PPP1R3A: variants seen among roughly 807,000 people sequenced by gnomAD.
PPP1R3A encodes protein phosphatase 1 regulatory subunit 3A, also known as RG1.
PPP1R3A carries 29 observed loss-of-function variants against 41.7 expected under a neutral mutation model. The observed-to-expected ratio is 0.70, with a 90% confidence interval of 0.52 to 0.95. PPP1R3A has a LOEUF of 0.95. PPP1R3A is among the 40% of genes least tolerant of loss of function. The pLI is 0.00. For synonymous variants in PPP1R3A, 485 were observed against 453.4 expected, an observed-to-expected ratio of 1.07 and a Z score of -0.89; for missense variants, 1,352 against 1,292.4, an observed-to-expected ratio of 1.05 and a Z score of -0.71.
Position 113,879,148 on chromosome 7 carries a change from A to G in PPP1R3A, c.1944T>C (p.Asn648=), listed in dbSNP as rs1368768591. Residue 648 remains asparagine, a synonymous_variant, in exon 4 of 4, where the codon AAT becomes AAC. Coordinates refer to ENST00000284601, the MANE Select transcript of PPP1R3A (RefSeq NM_002711.4). Reference sequence around the variant, plus strand: ...TCCAACTTTGTTTATGCTGTGGGCTATTATCCTGATCTTCAGAATTAATCC... The same window carrying G: ...TCCAACTTTGTTTATGCTGTGGGCTGTTATCCTGATCTTCAGAATTAATCC... The part of the protein sequence containing the change: ...SGGINSEDQD[N]SPQHKQSWNV... 2.5e-6 allele frequency: 4 copies of G among 1,613,660 alleles called. No homozygotes were observed. The Middle Eastern group carries it at 4.9e-4, about 200-fold the overall frequency.
At chr7:113,900,478 T>C (rs907857945) in intron 1 of PPP1R3A, among the ~76,000 whole-genome samples, 15 of 151,458 alleles carry the variant, frequency 9.9e-5, no homozygotes, top group African/African-American at 3.4e-4. Context: ...ATATGGTATA[T>C]AAGTGAAGGC....
rs199968105 is a variant in PPP1R3A at position 113,879,039 on chromosome 7, C to G, written c.2053G>C (p.Val685Leu). ...CTCGTATTATCTCTTTTTCCCCACA[C>G]GTCTTCACAATCTGTTTGTCCTTTG... ...HIKGQTDCEDVWGKRDNTRSL... is the reference protein window; with the variant it reads ...HIKGQTDCEDLWGKRDNTRSL... Residue 685 changes from valine to leucine, a missense_variant, in exon 4 of 4, where the codon GTG becomes CTG. Transcript: ENST00000284601. 2 of 1,613,576 alleles carry G rather than the reference C, an allele frequency of 1.2e-6. No homozygotes were observed. Among genetic ancestry groups the G allele is most frequent in the Non-Finnish European group, 8.5e-7 (1 of 1,179,790 alleles).
At chr7:113,913,833 T>C (rs1455115294) in intron 1 of PPP1R3A, among the ~76,000 whole-genome samples, 1 of 152,158 alleles carries the variant, frequency 6.6e-6, no homozygotes, top group Non-Finnish European at 1.5e-5. Context: ...TTCTACTGTA[T>C]ACCCAGAGAA....
intron 1 of PPP1R3A, among the ~76,000 whole-genome samples, chr7:113,909,114 T>G (rs1797197490): frequency 1.3e-5 from 2 of 151,878 alleles, no homozygotes; most frequent in South Asian, 4.1e-4. Flanking sequence ...AACCTGCACA[T>G]GGACCCCTTG....
chr7:113,918,841 T>C lies in PPP1R3A; in HGVS notation c.156A>G (p.Ile52Met). The change falls in exon 1 of 4, where the codon ATA (isoleucine) becomes ATG (methionine). Residue 52 changes from isoleucine (I) to methionine (M), a missense_variant. Transcript: ENST00000284601. ...SRRGSDSSED[I>M]YLDTPSSGTR... Reference sequence around the variant, plus strand: ...TACCTGAAGATGGGGTATCCAGGTATATGTCTTCAGAAGAATCAGAACCTC... The same window carrying C: ...TACCTGAAGATGGGGTATCCAGGTACATGTCTTCAGAAGAATCAGAACCTC... 6.2e-7 allele frequency: 1 copy of C among 1,613,852 alleles called. No individual in the cohort carries two copies. The highest frequency in any genetic ancestry group is 8.5e-7 in the Non-Finnish European group (1 of 1,179,826).
At chr7:113,904,682 A>C (rs561736428) in intron 1 of PPP1R3A, among the ~76,000 whole-genome samples, 1 of 148,098 alleles carries the variant, frequency 6.8e-6, no homozygotes, top group South Asian at 2.1e-4. Context: ...TTGAGGAAAT[A>C]CAAAGAAAAA....
chr7:113,884,902 A>G (rs942048399), intron 1 of PPP1R3A, among the ~76,000 whole-genome samples: 1 of 152,054 alleles, frequency 6.6e-6, no homozygotes, highest in African/African-American at 2.4e-5. Context: ...AGAAGAGAAA[A>G]CACATAGCCA....
chr7:113,902,592 T>C (rs1384049456), intron 1 of PPP1R3A, among the ~76,000 whole-genome samples: 1 of 151,840 alleles, frequency 6.6e-6, no homozygotes, highest in Non-Finnish European at 1.5e-5. Context: ...CTGCAAACAT[T>C]CCTGTTCACT....
chr7:113,917,213 A>G (rs1797356389), intron 1 of PPP1R3A, among the ~76,000 whole-genome samples: 1 of 151,908 alleles, frequency 6.6e-6, no homozygotes, highest in Non-Finnish European at 1.5e-5. Context: ...ACATTACACT[A>G]TTTCTGGTAC....
rs1160771799 is a variant in PPP1R3A, at chr7:113,901,314, T to A, written c.782+16901A>T. On this transcript the variant is annotated intron_variant, in intron 1 of 3. Transcript: ENST00000284601. Reference sequence around the variant, plus strand: ...GAACATTTTCCAAACATAGACACCATCCCCCTTCTAAATTGGACTCTCCAA... The same window carrying A: ...GAACATTTTCCAAACATAGACACCAACCCCCTTCTAAATTGGACTCTCCAA... Among the ~76,000 whole-genome samples the A allele has an allele frequency of 3.3e-5, 5 of 151,504 alleles. No individual in the cohort carries two copies. The Admixed American group carries it at 3.3e-4, about 10-fold the overall frequency.
In PPP1R3A at chr7:113,906,094, G is replaced by T. The variant is rs146697819; in HGVS notation, c.782+12121C>A. ...AGGTGTTGAACAATTAGAGTATGCT[G>T]TAGCAGACTATATTATTTCTCAGTT... On this transcript the variant is annotated intron_variant, in intron 1 of 3. Transcript: ENST00000284601. Among the ~76,000 whole-genome samples, 66 of 151,876 alleles carry T rather than the reference G, an allele frequency of 4.3e-4. No homozygotes were observed. The East Asian group carries it at 8.4e-3, about 19-fold the overall frequency.
intron 1 of PPP1R3A, among the ~76,000 whole-genome samples, chr7:113,895,570 C>T (rs976879316): frequency 1.3e-5 from 2 of 151,876 alleles, no homozygotes; most frequent in African/African-American, 4.8e-5. Context: ...TCAGTTACTG[C>T]TTTATAGTTT....
chr7:113,903,810 C>T (rs763107440), intron 1 of PPP1R3A, among the ~76,000 whole-genome samples: 1 of 151,688 alleles, frequency 6.6e-6, no homozygotes, highest in Non-Finnish European at 1.5e-5. Flanking sequence ...TCAAGATTGA[C>T]TCCCACAATT....
intron 1 of PPP1R3A, among the ~76,000 whole-genome samples, chr7:113,897,013 C>T (rs1796987104): frequency 6.6e-6 from 1 of 151,798 alleles, no homozygotes; most frequent in African/African-American, 2.4e-5. Flanking sequence ...ATTCACATGC[C>T]ATGTTATGGA....
chr7:113,882,212 A>G (rs1293082166), intron 2 of PPP1R3A, 49 bp from the exon 3 acceptor site: 3 of 1,593,936 alleles, frequency 1.9e-6, no homozygotes, highest in East Asian at 2.2e-5. Context: ...TTAATTGTAG[A>G]CTTTCACAAA....
At chr7:113,899,588 G>T (rs964017941) in intron 1 of PPP1R3A, among the ~76,000 whole-genome samples, 1 of 151,720 alleles carries the variant, frequency 6.6e-6, no homozygotes, top group African/African-American at 2.4e-5. Flanking sequence ...CTAGTTACAA[G>T]ATTTTCATTA....
rs1184146131 is a variant in PPP1R3A at position 113,878,642 on chromosome 7, A to G, written c.2450T>C (p.Met817Thr). The change falls in exon 4 of 4, where the codon ATG becomes ACG. Residue 817 changes from methionine to threonine, a missense_variant. Coordinates refer to ENST00000284601, the MANE Select transcript of PPP1R3A (RefSeq NM_002711.4). ...CATAGACATGGTTTCTTCCTTCTCC[A>G]TTTCATCTACACGTACATTACAAAT... is the stretch of plus-strand genomic sequence containing the variant. ...LGICNVRVDE[M>T]EKEETMSMYN... 1 of 1,612,816 alleles carries G rather than the reference A, an allele frequency of 6.2e-7. No homozygotes were observed. Among genetic ancestry groups the G allele is most frequent in the Admixed American group, 1.7e-5 (1 of 59,818 alleles).
Position 113,878,231 on chromosome 7 carries a change from C to T in PPP1R3A, c.2861G>A (p.Cys954Tyr), listed in dbSNP as rs749876989. 2 of 1,613,008 alleles carry T rather than the reference C, an allele frequency of 1.2e-6. No individual in the cohort carries two copies. The highest frequency in any genetic ancestry group is 1.3e-5 in the African/African-American group (1 of 74,816). The stretch of plus-strand genomic sequence containing the variant: ...ACCCTGGATTTCTCTTGTTGAATTA[C>T]AAATATTTTCTGATTTCGTAGAAAT... ...QPISTKSENI[C>Y]NSTREIQGIE... The change falls in exon 4 of 4, where the codon TGT becomes TAT. Residue 954 changes from cysteine to tyrosine, a missense_variant. By Grantham distance (194) the Cys-to-Tyr change is radical (BLOSUM62 -2). Coordinates refer to ENST00000284601, the MANE Select transcript of PPP1R3A (RefSeq NM_002711.4).
chr7:113,910,061 G>A (rs1442155242), intron 1 of PPP1R3A, among the ~76,000 whole-genome samples: 1 of 151,992 alleles, frequency 6.6e-6, no homozygotes, highest in Non-Finnish European at 1.5e-5. Flanking sequence ...ATGACAGCAG[G>A]CAAGACAGCT....
Sources: allele counts gnomAD v4.1 joint callset (sites outside exome capture counted in the v4.1 genomes callset), GRCh38; gene constraint gnomAD v4.1.1; transcripts MANE v1.5; gene names NCBI Gene and HGNC (gene_info 2026-07-23, HGNC 2026-07-21).